Variants in GALNT17 observed in about 807,000 individuals in gnomAD.
The protein encoded by GALNT17 is UDP-GalNAc:polypeptide N-acetylgalactosaminyltransferase-like 3.
GALNT17 carries 29 observed loss-of-function variants against 63.7 expected under a neutral mutation model. That is an observed-to-expected ratio of 0.46 (90% CI 0.34 to 0.62). The LOEUF (loss-of-function observed/expected upper bound fraction) is 0.62, where lower values mean the gene tolerates loss of function less well. GALNT17 is among the 20% of genes least tolerant of loss of function. GALNT17 has a pLI of 0.01. For missense variants in GALNT17, 603 were observed against 799.6 expected (o/e 0.75, Z 2.97); for synonymous variants, 305 against 318.3 (o/e 0.96, Z 0.45).
At chr7:71,520,035 C>T (rs1327947069) in intron 5 of GALNT17, among the ~76,000 whole-genome samples, 1 of 152,128 alleles carries the variant, frequency 6.6e-6, no homozygotes, top group African/African-American at 2.4e-5. Context: ...TTCACAGAGG[C>T]TCTGAGAAAC....
chr7:71,335,259 G>T (rs1014878926), intron 1 of GALNT17, among the ~76,000 whole-genome samples: 3 of 152,112 alleles, frequency 2.0e-5, no homozygotes, highest in Non-Finnish European at 1.5e-5. Context: ...AGCCTCTCGA[G>T]TAGCTGGGAC....
chr7:71,619,836 A>G (rs894657127), intron 6 of GALNT17, among the ~76,000 whole-genome samples: 33 of 152,088 alleles, frequency 2.2e-4, no homozygotes, highest in African/African-American at 8.0e-4. Context: ...GTTGAATAGG[A>G]GTGGAGAGAG....
At chr7:71,408,730 G>A (rs185259463) in intron 3 of GALNT17, among the ~76,000 whole-genome samples, 9 of 152,092 alleles carry the variant, frequency 5.9e-5, no homozygotes, top group African/African-American at 1.7e-4. Context: ...TAAATTAGTT[G>A]GGCATGGTGG....
intron 5 of GALNT17, among the ~76,000 whole-genome samples, chr7:71,461,675 G>T (rs192427916): frequency 3.3e-5 from 5 of 152,220 alleles, no homozygotes; most frequent in Non-Finnish European, 5.9e-5. Flanking sequence ...TAACATATCC[G>T]CAGGGGAGGA....
At chr7:71,440,453 C>A (rs1049990878) in intron 5 of GALNT17, among the ~76,000 whole-genome samples, 5 of 150,592 alleles carry the variant, frequency 3.3e-5, no homozygotes, top group Non-Finnish European at 7.4e-5. Flanking sequence ...CAGCTCACTG[C>A]GACCTCCGAA....
intron 1 of GALNT17, among the ~76,000 whole-genome samples, chr7:71,308,371 C>T (rs955301224): frequency 6.6e-5 from 10 of 152,114 alleles, no homozygotes; most frequent in African/African-American, 9.7e-5. Context: ...CATTCCTTGG[C>T]ATTGCCTTTT....
intron 5 of GALNT17, among the ~76,000 whole-genome samples, chr7:71,450,967 C>A (rs183811297): frequency 1.3e-4 from 19 of 148,908 alleles, no homozygotes; most frequent in Non-Finnish European, 1.8e-4. Context: ...TTCTAGGGTA[C>A]ATGTGCACAA....
At chr7:71,232,535 G>A (rs1055089982) in intron 1 of GALNT17, among the ~76,000 whole-genome samples, 4 of 152,148 alleles carry the variant, frequency 2.6e-5, no homozygotes, top group African/African-American at 9.7e-5. Flanking sequence ...TGCAGGGCAG[G>A]TGAGCCCTAA....
intron 1 of GALNT17, among the ~76,000 whole-genome samples, chr7:71,302,519 A>G (rs1460457978): frequency 6.6e-6 from 1 of 151,942 alleles, no homozygotes; most frequent in Non-Finnish European, 1.5e-5. Flanking sequence ...ACTAGCGTAC[A>G]TGTGCAGGGC....
chr7:71,181,635 A>G (rs1250855718), intron 1 of GALNT17, among the ~76,000 whole-genome samples: 1 of 152,052 alleles, frequency 6.6e-6, no homozygotes, highest in Non-Finnish European at 1.5e-5. Flanking sequence ...TGGGAGGCCA[A>G]GGAAGGAGGA....
At chr7:71,331,368 G>C (rs1348621076) in intron 1 of GALNT17, among the ~76,000 whole-genome samples, 1 of 152,116 alleles carries the variant, frequency 6.6e-6, no homozygotes, top group Non-Finnish European at 1.5e-5. Context: ...ATCTGCCTCA[G>C]AGCCCGGCCT....
rs867524724 is a variant in GALNT17 at position 71,161,583 on chromosome 7, T to G, written c.238+28543T>G. Among the ~76,000 whole-genome samples the G allele has an allele frequency of 3.4e-4, 52 of 152,214 alleles. 2 individuals are homozygous for G. The highest frequency in any genetic ancestry group is 2.1e-4 in the Non-Finnish European group (14 of 68,038). On this transcript the variant is annotated intron_variant, in intron 1 of 10. Coordinates refer to ENST00000333538, the MANE Select transcript of GALNT17 (RefSeq NM_022479.3). ...ACATTTTTTTATGGAGTATTTAAACTTACAAAGTTTTCTGTCATTCAGTGT... is the reference window on the plus strand; with the variant it reads ...ACATTTTTTTATGGAGTATTTAAACGTACAAAGTTTTCTGTCATTCAGTGT...
chr7:71,628,704 G>A lies in GALNT17; in HGVS notation c.1081-36707G>A, dbSNP rs570131571. Among the ~76,000 whole-genome samples, 10 of 151,004 alleles carry A rather than the reference G, an allele frequency of 6.6e-5. 1 individual carries two copies. The South Asian group carries it at 1.3e-3, about 20-fold the overall frequency. On this transcript the variant is annotated intron_variant, in intron 6 of 10. Transcript: ENST00000333538. ...CCAGCACTTTGGGAGGCTGAGGCAC[G>A]TGAATCACTTGAGGTCAGGAGTTCG...
rs556033522 is a variant in GALNT17, at chr7:71,176,710, G to A, written c.238+43670G>A. Among the ~76,000 whole-genome samples the A allele has an allele frequency of 3.0e-3, 460 of 152,264 alleles. 3 individuals are homozygous for A. Among genetic ancestry groups the A allele is most frequent in the South Asian group, 5.2e-3 (25 of 4,824 alleles). On this transcript the variant is annotated intron_variant, in intron 1 of 10. Coordinates refer to ENST00000333538, the MANE Select transcript of GALNT17 (RefSeq NM_022479.3). ...CCTCCCTGGGTCCCTATAGGAGGCT[G>A]TTGTGTACTCTGAACCTGAGTGGAG...
At chr7:71,573,577 G>T (rs924504260) in intron 6 of GALNT17, among the ~76,000 whole-genome samples, 1 of 149,106 alleles carries the variant, frequency 6.7e-6, no homozygotes, top group South Asian at 2.1e-4. Context: ...CTTGTGATCT[G>T]CCCACCTCAG....
At chr7:71,369,664 T>A (rs910223378) in intron 2 of GALNT17, among the ~76,000 whole-genome samples, 1 of 151,934 alleles carries the variant, frequency 6.6e-6, no homozygotes, top group African/African-American at 2.4e-5. Flanking sequence ...AATACAACAG[T>A]TAGCCCGGTG....
At chr7:71,403,616 G>T (rs928239016) in intron 3 of GALNT17, among the ~76,000 whole-genome samples, 1 of 152,164 alleles carries the variant, frequency 6.6e-6, no homozygotes, top group Admixed American at 6.5e-5. Flanking sequence ...TGAGCATTTC[G>T]TTTGCGCATA....
At chr7:71,279,070 A>C (rs755532633) in intron 1 of GALNT17, among the ~76,000 whole-genome samples, 11 of 151,666 alleles carry the variant, frequency 7.3e-5, no homozygotes, top group Non-Finnish European at 1.5e-4. Context: ...GGATTACAGG[A>C]ACGCACCACC....
intron 1 of GALNT17, among the ~76,000 whole-genome samples, chr7:71,164,509 GA>G: frequency 6.6e-6 from 1 of 152,350 alleles, no homozygotes; most frequent in East Asian, 1.9e-4. Context: ...TTTGGGTGGG[GA>G]CACAGAGCCA....
Sources: gnomAD v4.1 joint callset for allele counts (sites outside exome capture counted in the v4.1 genomes callset) on GRCh38, gnomAD v4.1.1 for gene constraint, MANE v1.5 for transcripts, NCBI Gene and HGNC (gene_info 2026-07-23, HGNC 2026-07-21) for gene names.